The following GPHN variants were observed in gnomAD, a reference collection of about 807,000 sequenced individuals.
GPHN encodes gephyrin.
A neutral mutation model predicts 95.5 loss-of-function variants in GPHN; 17 were observed. The ratio of observed to expected loss-of-function variants is 0.18; its 90% CI spans 0.12 to 0.27. The LOEUF (loss-of-function observed/expected upper bound fraction) is 0.27, where lower values mean the gene tolerates loss of function less well. Ranked by LOEUF, GPHN falls within the 10% of genes least tolerant of loss-of-function variation. The pLI, the probability that GPHN is intolerant of heterozygous loss-of-function variation, is 1.00. For missense variants in GPHN, 660 were observed against 978.1 expected, an observed-to-expected ratio of 0.67 and a Z score of 4.34; for synonymous variants, 320 against 322.5, an observed-to-expected ratio of 0.99 and a Z score of 0.08.
chr14:67,192,304 G>A, the GPHN span, among the ~76,000 whole-genome samples: 3 of 152,192 alleles, frequency 2.0e-5, no homozygotes, highest in African/African-American at 7.2e-5. Context: ...CTAGCTCTGT[G>A]TTTCCATGAT....
the GPHN span, chr14:67,335,820 C>T: frequency 6.6e-6 from 1 of 152,372 alleles, no homozygotes; most frequent in Non-Finnish European, 1.5e-5. Flanking sequence ...TTAAAAGCCA[C>T]TAAGCAATTT....
At chr14:67,359,750 A>G in the GPHN span, 20 of 1,607,878 alleles carry the variant, frequency 1.2e-5, no homozygotes, top group Admixed American at 1.2e-4. Context: ...CGAGGCTGCA[A>G]TAGCTCCAGA....
intron 1 of GPHN, among the ~76,000 whole-genome samples, chr14:66,613,696 G>T (rs1001991068): frequency 6.6e-6 from 1 of 151,638 alleles, no homozygotes; most frequent in Non-Finnish European, 1.5e-5. Flanking sequence ...TATTTTTCTT[G>T]GATAGATATT....
chr14:67,245,373 G>A, the GPHN span, among the ~76,000 whole-genome samples: 2 of 152,146 alleles, frequency 1.3e-5, no homozygotes, highest in South Asian at 4.1e-4. Context: ...ATTTTTCTTT[G>A]CATTTCCCCC....
At chr14:67,557,783 A>G in the GPHN span, among the ~76,000 whole-genome samples, 2 of 152,230 alleles carry the variant, frequency 1.3e-5, no homozygotes, top group African/African-American at 2.4e-5. Flanking sequence ...GAGGCAACCT[A>G]TGTGACCTGT....
intron 2 of GPHN, among the ~76,000 whole-genome samples, chr14:66,687,044 G>A (rs1344024461): frequency 1.3e-5 from 2 of 152,060 alleles, no homozygotes; most frequent in Non-Finnish European, 2.9e-5. Flanking sequence ...TTTATATGCT[G>A]GATTACGTTT....
chr14:66,541,539 T>C (rs553686131), intron 1 of GPHN, among the ~76,000 whole-genome samples: 22 of 152,352 alleles, frequency 1.4e-4, no homozygotes, highest in African/African-American at 5.3e-4. Flanking sequence ...TTTATTTGTA[T>C]AAATATTTTT....
chr14:66,725,394 C>T (rs909991692), intron 2 of GPHN, among the ~76,000 whole-genome samples: 1 of 152,148 alleles, frequency 6.6e-6, no homozygotes, highest in African/African-American at 2.4e-5. Context: ...GTTGCCCTCA[C>T]TGGAAAACAG....
At chr14:67,694,467 T>TAC in the GPHN span, among the ~76,000 whole-genome samples, 1 of 104,864 alleles carries the variant, frequency 9.5e-6, no homozygotes, top group Non-Finnish European at 2.2e-5. Flanking sequence ...CACACACACA[T>TAC]ATATATATAT....
chr14:66,549,816 C>T (rs1489211835), intron 1 of GPHN, among the ~76,000 whole-genome samples: 2 of 152,136 alleles, frequency 1.3e-5, no homozygotes, highest in Non-Finnish European at 2.9e-5. Flanking sequence ...ATTCTGAAAT[C>T]CTGTGCCATT....
At chr14:67,020,647 A>G (rs1260251773) in intron 9 of GPHN, among the ~76,000 whole-genome samples, 1 of 152,158 alleles carries the variant, frequency 6.6e-6, no homozygotes. Context: ...TGTTTTCATT[A>G]AGTCCTTCAT....
intron 1 of GPHN, among the ~76,000 whole-genome samples, chr14:66,609,191 T>A (rs927243158): frequency 3.2e-4 from 48 of 152,198 alleles, no homozygotes; most frequent in African/African-American, 1.2e-3. Context: ...TTACAAATTC[T>A]TAGCATTTGA....
At chr14:66,728,389 A>G (rs1305510834) in intron 2 of GPHN, among the ~76,000 whole-genome samples, 1 of 152,148 alleles carries the variant, frequency 6.6e-6, no homozygotes, top group Admixed American at 6.5e-5. Flanking sequence ...AGAATAGTAG[A>G]TCCACTGATA....
the GPHN span, among the ~76,000 whole-genome samples, chr14:67,430,386 T>C: frequency 0.13 from 20,258 of 152,214 alleles, 2,469 homozygotes; most frequent in African/African-American, 0.33. Flanking sequence ...CTCTTGTTCC[T>C]GTGCAAGCCT....
At chr14:67,031,953 C>T (rs117497616) in intron 10 of GPHN, among the ~76,000 whole-genome samples, 1,833 of 152,060 alleles carry the variant, frequency 0.012, 19 homozygotes, top group Non-Finnish European at 0.018. Flanking sequence ...AAGCCCCAAC[C>T]CTCATATCCT....
At chr14:66,546,962 T>C (rs1054963668) in intron 1 of GPHN, among the ~76,000 whole-genome samples, 2 of 152,226 alleles carry the variant, frequency 1.3e-5, no homozygotes, top group Non-Finnish European at 1.5e-5. Context: ...GTAAATTTGC[T>C]CTTTTTCTTT....
Position 66,961,643 on chromosome 14 carries a change from T to C in GPHN, c.829-3548T>C, listed in dbSNP as rs1272443042. Among the ~76,000 whole-genome samples, 5 of 151,438 alleles carry C rather than the reference T, an allele frequency of 3.3e-5. No homozygotes were observed. In the South Asian group the frequency reaches 1.0e-3, roughly 32 times the overall value. ...CTTCACGAGAAAAAATCTAAATGAC[T>C]GAGGAATGTATGAAAAAGTGCTCAC... On this transcript the variant is annotated intron_variant, in intron 8 of 22. Transcript: ENST00000478722.
At chr14:67,083,175 TTACA>T (rs1457116274) in intron 11 of GPHN, among the ~76,000 whole-genome samples, 2 of 152,216 alleles carry the variant, frequency 1.3e-5, no homozygotes, top group East Asian at 3.8e-4. Context: ...GTGAGACCTC[TTACA>T]TGTCAATTTT....
chr14:67,624,935 G>A, the GPHN span, among the ~76,000 whole-genome samples: 11 of 152,122 alleles, frequency 7.2e-5, no homozygotes, highest in Admixed American at 1.3e-4. Flanking sequence ...CTGGACAACC[G>A]ATAGCCTGCA....
Sources: allele counts gnomAD v4.1 joint callset (sites outside exome capture counted in the v4.1 genomes callset), GRCh38; gene constraint gnomAD v4.1.1; transcripts MANE v1.5; gene names NCBI Gene and HGNC (gene_info 2026-07-23, HGNC 2026-07-21).